INPP5A: variants seen among roughly 807,000 people sequenced by gnomAD.
The protein encoded by INPP5A is inositol polyphosphate-5-phosphatase A, also known as 43 kDa inositol polyphosphate 5-phophatase.
INPP5A carries 14 observed loss-of-function variants against 65.2 expected under a neutral mutation model. That is an observed-to-expected ratio of 0.21 (90% CI 0.14 to 0.34). The LOEUF (loss-of-function observed/expected upper bound fraction) is 0.34, where lower values mean the gene tolerates loss of function less well. INPP5A is among the 10% of genes least tolerant of loss of function. The pLI is 1.00. For missense variants in INPP5A, 431 were observed against 545.6 expected (o/e 0.79, Z 2.09); for synonymous variants, 207 against 208.3 (o/e 0.99, Z 0.05).
intron 1 of INPP5A, among the ~76,000 whole-genome samples, chr10:132,581,318 A>T (rs1173583248): frequency 6.6e-6 from 1 of 152,204 alleles, no homozygotes; most frequent in East Asian, 1.9e-4. Flanking sequence ...CAATGATAGC[A>T]TGTTTTAATT....
At chr10:132,780,068 G>A (rs901965522) in intron 13 of INPP5A, among the ~76,000 whole-genome samples, 2 of 152,390 alleles carry the variant, frequency 1.3e-5, no homozygotes, top group African/African-American at 4.8e-5. Flanking sequence ...CATGCATGCG[G>A]TGCCGAAGCT....
intron 6 of INPP5A, among the ~76,000 whole-genome samples, chr10:132,702,705 C>T (rs751344355): frequency 4.6e-5 from 7 of 152,228 alleles, no homozygotes; most frequent in Admixed American, 1.3e-4. Flanking sequence ...ACAGCTCTGA[C>T]GCACATGGGA....
At chr10:132,738,809 A>G (rs900846458) in intron 9 of INPP5A, among the ~76,000 whole-genome samples, 6 of 152,180 alleles carry the variant, frequency 3.9e-5, no homozygotes, top group Non-Finnish European at 7.3e-5. Flanking sequence ...GCTGACGCCA[A>G]CATCTCCCCA....
intron 12 of INPP5A, among the ~76,000 whole-genome samples, chr10:132,769,541 T>C (rs1359724244): frequency 6.6e-6 from 1 of 152,180 alleles, no homozygotes; most frequent in Non-Finnish European, 1.5e-5. Flanking sequence ...GTGTTAAAGC[T>C]CTACACGTGT....
At chr10:132,769,440 C>T (rs1304408323) in intron 12 of INPP5A, among the ~76,000 whole-genome samples, 2 of 152,230 alleles carry the variant, frequency 1.3e-5, no homozygotes, top group South Asian at 4.1e-4. Flanking sequence ...GGACCCTGAG[C>T]TGTAAGATGG....
chr10:132,693,666 C>T (rs186008717), intron 5 of INPP5A, among the ~76,000 whole-genome samples: 58 of 151,860 alleles, frequency 3.8e-4, no homozygotes, highest in Non-Finnish European at 5.6e-4. Context: ...TTGAAAAAAA[C>T]AATAAAATGG....
intron 1 of INPP5A, among the ~76,000 whole-genome samples, chr10:132,598,730 T>C (rs1256458176): frequency 1.3e-5 from 2 of 152,212 alleles, no homozygotes; most frequent in African/African-American, 4.8e-5. Context: ...TTCATTTTCA[T>C]GCTGCTGATA....
At chr10:132,623,795 C>T (rs781263900) in intron 2 of INPP5A, among the ~76,000 whole-genome samples, 5 of 151,810 alleles carry the variant, frequency 3.3e-5, no homozygotes, top group Non-Finnish European at 5.9e-5. Flanking sequence ...CTCTGAAAAG[C>T]CAATAATAAG....
intron 3 of INPP5A, among the ~76,000 whole-genome samples, chr10:132,646,612 C>T (rs2072497989): frequency 6.6e-6 from 1 of 152,216 alleles, no homozygotes; most frequent in African/African-American, 2.4e-5. Context: ...GAAGCCCGCC[C>T]TCTGTGTCCC....
At chr10:132,688,876 GTGTA>G (rs200932230) in intron 4 of INPP5A, among the ~76,000 whole-genome samples, 2,636 of 151,904 alleles carry the variant, frequency 0.017, 76 homozygotes, top group African/African-American at 0.059. Context: ...TAGTGCATGA[GTGTA>G]TGAGTGCAAG....
intron 11 of INPP5A, among the ~76,000 whole-genome samples, chr10:132,750,266 G>C (rs921346278): frequency 4.6e-5 from 7 of 152,282 alleles, no homozygotes. Context: ...GGGTCTGTGT[G>C]TGAGCACGTG....
Position 132,567,918 on chromosome 10 carries a change from C to T in INPP5A, c.75+29747C>T, listed in dbSNP as rs568523014. Among the ~76,000 whole-genome samples the T allele has an allele frequency of 7.2e-5, 11 of 152,110 alleles. 1 individual carries two copies. The highest frequency in any genetic ancestry group is 4.2e-4 in the South Asian group (2 of 4,814). On this transcript the variant is annotated intron_variant, in intron 1 of 15. Coordinates refer to ENST00000368594, the MANE Select transcript of INPP5A (RefSeq NM_005539.5). ...AAAAAAAATATTGGCTGAGGCCGGG[C>T]GCGGTGGCTCACGCCTGTAACCCCA... is the stretch of plus-strand genomic sequence containing the variant.
chr10:132,607,646 G>C (rs990416129), intron 1 of INPP5A, among the ~76,000 whole-genome samples: 1 of 152,238 alleles, frequency 6.6e-6, no homozygotes, highest in Non-Finnish European at 1.5e-5. Flanking sequence ...CCACCCGTGT[G>C]GGGGCTGCGC....
intron 1 of INPP5A, among the ~76,000 whole-genome samples, chr10:132,564,251 C>T (rs942896266): frequency 1.3e-5 from 2 of 152,084 alleles, no homozygotes; most frequent in African/African-American, 4.8e-5. Context: ...CCTGGGGTGA[C>T]ACATGATCCT....
intron 9 of INPP5A, 88 bp downstream of exon 9, chr10:132,726,993 C>T: frequency 1.2e-6 from 1 of 806,260 alleles, no homozygotes; most frequent in Non-Finnish European, 1.9e-6. Flanking sequence ...CTTACTGGCA[C>T]TTTCAATGCC....
At chr10:132,764,858 GTCCTGCTGT>G (rs1846810561) in intron 11 of INPP5A, among the ~76,000 whole-genome samples, 1 of 144,138 alleles carries the variant, frequency 6.9e-6, no homozygotes, top group Non-Finnish European at 1.5e-5. Context: ...GGCCGGGTCA[GTCCTGCTGT>G]GGTGGGAGGG....
intron 12 of INPP5A, among the ~76,000 whole-genome samples, chr10:132,773,704 C>G (rs1407474785): frequency 2.0e-5 from 3 of 152,210 alleles, no homozygotes; most frequent in Non-Finnish European, 4.4e-5. Context: ...GGGAACCCGT[C>G]CCACAGAAGA....
At chr10:132,720,354 A>AGGGTTCTGTGGTACCT (rs1323601993) in intron 8 of INPP5A, among the ~76,000 whole-genome samples, 32 of 120,928 alleles carry the variant, frequency 2.6e-4, no homozygotes, top group African/African-American at 9.6e-4. Flanking sequence ...AGCTGTCTTC[A>AGGGTTCTGTGGTACCT]GGGTTCTGTG....
rs796396849 is a variant in INPP5A at position 132,650,273 on chromosome 10, A to G, written c.219-145A>G. 11 of 644,776 alleles carry G rather than the reference A, an allele frequency of 1.7e-5. No individual in the cohort carries two copies. The highest frequency in any genetic ancestry group is 1.6e-4 in the African/African-American group (9 of 55,336). 39.9% of individuals were successfully genotyped at this position (644,776 alleles called of 1,614,324 possible). On this transcript the variant is annotated intron_variant, in intron 3 of 15. Transcript: ENST00000368594. This position sits in a 1 kb window ranked among gnomAD's most constrained non-coding sequence, Gnocchi z 5.5. ...GCCAGCTCCTGCGGTGGCTGCCGCC[A>G]TTCCCTGCCCTCTGCCTGTCACGGG... is the stretch of plus-strand genomic sequence containing the variant.
Sources: allele counts gnomAD v4.1 joint callset (sites outside exome capture counted in the v4.1 genomes callset), GRCh38; gene constraint gnomAD v4.1.1; non-coding constraint Gnocchi (gnomAD v3.1); transcripts MANE v1.5; gene names NCBI Gene and HGNC (gene_info 2026-07-23, HGNC 2026-07-21).